PIP5K1B: variants seen among roughly 807,000 people sequenced by gnomAD.
The protein encoded by PIP5K1B is phosphatidylinositol 4-phosphate 5-kinase type-1 beta.
PIP5K1B carries 42 observed loss-of-function variants against 67.0 expected under a neutral mutation model. The observed-to-expected ratio is 0.63, with a 90% CI of 0.49 to 0.81. The LOEUF is 0.81. PIP5K1B is among the 30% of genes least tolerant of loss of function. The probability of loss-of-function intolerance (pLI) is 0.00; values close to 1 mark genes in which losing one functional copy is unlikely to be tolerated. For missense variants in PIP5K1B, 459 were observed against 646.3 expected, an observed-to-expected ratio of 0.71 and a Z score of 3.14; for synonymous variants, 214 against 231.4, an observed-to-expected ratio of 0.92 and a Z score of 0.68.
At chr9:68,949,598 T>G (rs928150595) in intron 14 of PIP5K1B, among the ~76,000 whole-genome samples, 14 of 152,352 alleles carry the variant, frequency 9.2e-5, no homozygotes, top group African/African-American at 2.9e-4. Context: ...AGTTCCTTTC[T>G]CATACTTCAG....
At chr9:68,817,223 C>G (rs1258833685) in intron 2 of PIP5K1B, among the ~76,000 whole-genome samples, 1 of 152,176 alleles carries the variant, frequency 6.6e-6, no homozygotes, top group Non-Finnish European at 1.5e-5. Flanking sequence ...TTAAAGATGG[C>G]GAACACCAGT....
rs59685892 is a variant in PIP5K1B, at chr9:68,730,204, A to G, written c.-242-12297A>G. On this transcript the variant is annotated intron_variant, in intron 1 of 15. Coordinates refer to ENST00000265382, the MANE Select transcript of PIP5K1B (RefSeq NM_003558.4). The stretch of plus-strand genomic sequence containing the variant: ...ACAATTTGCATTGATGATTTTGTTT[A>G]CCTTTTAATTGTGTATTTGGCTGCA... 6.8e-3 allele frequency among the ~76,000 whole-genome samples: 1,040 copies of G among 152,326 alleles called. 9 individuals are homozygous for G. Among genetic ancestry groups the G allele is most frequent in the African/African-American group, 0.023 (956 of 41,568 alleles).
chr9:68,890,709 A>G (rs75044620), intron 7 of PIP5K1B, among the ~76,000 whole-genome samples: 2 of 151,866 alleles, frequency 1.3e-5, no homozygotes, highest in Admixed American at 6.6e-5. Flanking sequence ...AAAAAAAAAA[A>G]CTAACTATAG....
At chr9:68,742,350 T>C (rs1254810824) in intron 1 of PIP5K1B, 151 bp from the exon 2 acceptor site, 1 of 152,208 alleles carries the variant, frequency 6.6e-6, no homozygotes, top group African/African-American at 2.4e-5. Context: ...AATATACAGA[T>C]AGGGGTATGT....
intron 4 of PIP5K1B, among the ~76,000 whole-genome samples, chr9:68,834,298 C>A (rs1038389840): frequency 6.6e-6 from 1 of 152,218 alleles, no homozygotes; most frequent in African/African-American, 2.4e-5. Context: ...TTCCTTCCCA[C>A]GCAAGCTGAT....
At chr9:68,995,623 TGGAGAAA>T (rs1830570254) in intron 15 of PIP5K1B, among the ~76,000 whole-genome samples, 1 of 152,022 alleles carries the variant, frequency 6.6e-6, no homozygotes, top group African/African-American at 2.4e-5. Flanking sequence ...CTGACCAACA[TGGAGAAA>T]CCCTATCTCT....
intron 6 of PIP5K1B, among the ~76,000 whole-genome samples, chr9:68,884,151 G>A (rs376679436): frequency 6.6e-5 from 10 of 151,984 alleles, no homozygotes; most frequent in East Asian, 5.8e-4. Flanking sequence ...TAGATCAAAA[G>A]GGTTGCATCA....
In PIP5K1B at chr9:68,986,054, C is replaced by T. The variant is rs180895557; in HGVS notation, c.1503-5086C>T. Among the ~76,000 whole-genome samples the T allele has an allele frequency of 2.3e-4, 35 of 152,306 alleles. No individual in the cohort carries two copies. In the East Asian group the frequency reaches 2.7e-3, roughly 12 times the overall value. On this transcript the variant is annotated intron_variant, in intron 14 of 15. Coordinates refer to ENST00000265382, the MANE Select transcript of PIP5K1B (RefSeq NM_003558.4). ...TTTCTGGCTACTATGAATAATGCTA[C>T]TGCAAACATTCATATACAAGTTTGT...
At chr9:68,808,924 A>G (rs1467522019) in intron 2 of PIP5K1B, among the ~76,000 whole-genome samples, 1 of 152,208 alleles carries the variant, frequency 6.6e-6, no homozygotes, top group Non-Finnish European at 1.5e-5. Flanking sequence ...TTTCATCAGT[A>G]AGAATAGGAG....
chr9:68,979,988 G>A (rs930759312), intron 14 of PIP5K1B, among the ~76,000 whole-genome samples: 14 of 152,228 alleles, frequency 9.2e-5, no homozygotes, highest in Admixed American at 4.6e-4. Flanking sequence ...TGCAGTGACT[G>A]TGGTCAAAGC....
chr9:68,780,969 G>T (rs771661173), intron 2 of PIP5K1B: 1 of 1,614,192 alleles, frequency 6.2e-7, no homozygotes, highest in South Asian at 1.1e-5. Flanking sequence ...CGACTCTCCT[G>T]TGTCACCTGC....
intron 1 of PIP5K1B, among the ~76,000 whole-genome samples, chr9:68,724,653 G>A (rs887941390): frequency 1.3e-5 from 2 of 151,810 alleles, no homozygotes; most frequent in African/African-American, 4.8e-5. Flanking sequence ...CACTTATTTG[G>A]TTGAGTTTAT....
intron 4 of PIP5K1B, among the ~76,000 whole-genome samples, chr9:68,833,046 G>T (rs1239117553): frequency 1.3e-5 from 2 of 152,174 alleles, no homozygotes; most frequent in African/African-American, 2.4e-5. Flanking sequence ...TATTTATTTA[G>T]CTTGGCATGG....
Position 68,736,791 on chromosome 9 carries a change from T to TG in PIP5K1B, c.-242-5710_-242-5709insG, listed in dbSNP as rs1828760976. ...TTACTTTGGGTGCATTTGGATAATC[T>TG]CCCCATTTTGAGGCACTTAATTTAA... On this transcript the variant is annotated intron_variant, in intron 1 of 15. Coordinates refer to ENST00000265382, the MANE Select transcript of PIP5K1B (RefSeq NM_003558.4). Among the ~76,000 whole-genome samples the TG allele has an allele frequency of 2.0e-5, 3 of 152,214 alleles. No individual in the cohort carries two copies. In the South Asian group the frequency reaches 6.2e-4, roughly 32 times the overall value.
chr9:68,756,149 TGTG>T (rs1314648360), intron 2 of PIP5K1B, among the ~76,000 whole-genome samples: 1 of 152,230 alleles, frequency 6.6e-6, no homozygotes, highest in Non-Finnish European at 1.5e-5. Flanking sequence ...CCTTTGGCCA[TGTG>T]TTATTTTATG....
intron 11 of PIP5K1B, among the ~76,000 whole-genome samples, chr9:68,922,667 T>G (rs551338449): frequency 1.3e-5 from 2 of 152,276 alleles, no homozygotes; most frequent in Admixed American, 1.3e-4. Context: ...CAAATGACCC[T>G]TCAGCCCTAA....
At chr9:69,005,676 G>A (rs1040914409) in intron 15 of PIP5K1B, among the ~76,000 whole-genome samples, 13 of 152,172 alleles carry the variant, frequency 8.5e-5, no homozygotes, top group Non-Finnish European at 1.2e-4. Context: ...ACCACACCCG[G>A]ACTTTACAGA....
chr9:68,931,161 C>T (rs1465851018), intron 12 of PIP5K1B, among the ~76,000 whole-genome samples: 2 of 152,128 alleles, frequency 1.3e-5, no homozygotes, highest in Non-Finnish European at 2.9e-5. Context: ...CTACAAAATC[C>T]TATAATATTT....
At chr9:68,848,596 G>C (rs571194200) in intron 4 of PIP5K1B, among the ~76,000 whole-genome samples, 85 of 152,220 alleles carry the variant, frequency 5.6e-4, no homozygotes, top group African/African-American at 1.9e-3. Flanking sequence ...AATGAAAAAG[G>C]CTAGAGAAGT....
Sources: allele counts gnomAD v4.1 joint callset (sites outside exome capture counted in the v4.1 genomes callset), GRCh38; gene constraint gnomAD v4.1.1; transcripts MANE v1.5; gene names NCBI Gene and HGNC (gene_info 2026-07-23, HGNC 2026-07-21).